The following MDFIC variants were observed in gnomAD, a reference collection of about 807,000 sequenced individuals.
The protein encoded by MDFIC is MyoD family inhibitor domain containing.
In MDFIC, 17 loss-of-function variants were observed where a neutral mutation model predicts 23.2. The observed-to-expected ratio is 0.73, with a 90% confidence interval of 0.50 to 1.10. The LOEUF (loss-of-function observed/expected upper bound fraction) is 1.10, where lower values mean the gene tolerates loss of function less well. Ranked by LOEUF, MDFIC falls within the 50% of genes least tolerant of loss-of-function variation. The pLI, the probability that MDFIC is intolerant of heterozygous loss-of-function variation, is 0.00. For missense variants in MDFIC, 356 were observed against 316.6 expected (o/e 1.12, Z -0.95); for synonymous variants, 120 against 115.2 (o/e 1.04, Z -0.27).
intron 4 of MDFIC, among the ~76,000 whole-genome samples, chr7:114,983,392 T>G (rs1793451327): frequency 6.6e-6 from 1 of 152,098 alleles, no homozygotes; most frequent in African/African-American, 2.4e-5. Context: ...TAAGGGCGTC[T>G]TTTCTAACCA....
rs1378204985 is a variant in MDFIC, at chr7:114,922,217, C to A, written c.-527C>A. The A allele has an allele frequency of 6.2e-6, 3 of 480,560 alleles. No individual in the cohort carries two copies. Among genetic ancestry groups the A allele is most frequent in the South Asian group, 1.1e-4 (1 of 8,762 alleles). 29.8% of individuals were successfully genotyped at this position (480,560 alleles called of 1,614,324 possible). A position where few individuals can be genotyped will look rare whatever the true frequency, so the allele number is the denominator to read the frequency against. On this transcript the variant is annotated 5_prime_UTR_variant, in exon 1 of 5. Coordinates refer to ENST00000393486, the MANE Select transcript of MDFIC (RefSeq NM_001166345.3). ...GGCGCGAGGGATCGCGCGGCCGAGC[C>A]CGGGTCGCGCCGCTCCCAGCATCGG...
intron 4 of MDFIC, among the ~76,000 whole-genome samples, chr7:115,007,630 G>GTGTATATATATATATA (rs369718965): frequency 3.0e-5 from 4 of 132,878 alleles, no homozygotes; most frequent in African/African-American, 1.2e-4. Context: ...GCGTGTGTGT[G>GTGTATATATATATATA]TATATATATA....
chr7:114,939,175 A>G (rs1230050262), intron 2 of MDFIC, among the ~76,000 whole-genome samples: 1 of 152,224 alleles, frequency 6.6e-6, no homozygotes, highest in Non-Finnish European at 1.5e-5. Flanking sequence ...AATAACATGC[A>G]TATATTAGAA....
At chr7:114,922,797 G>A in intron 1 of MDFIC, 130 bp from the exon 2 acceptor site, 3 of 1,332,802 alleles carry the variant, frequency 2.3e-6, no homozygotes, top group South Asian at 1.6e-5. Flanking sequence ...TTCTTCGCAA[G>A]TTTCAAATCA....
At chr7:114,937,798 C>G (rs546773454) in intron 2 of MDFIC, among the ~76,000 whole-genome samples, 1 of 152,140 alleles carries the variant, frequency 6.6e-6, no homozygotes, top group Non-Finnish European at 1.5e-5. Flanking sequence ...CTAGGATGCT[C>G]AGGAGCTAGT....
intron 4 of MDFIC, among the ~76,000 whole-genome samples, chr7:114,998,119 A>T (rs1021107187): frequency 1.3e-5 from 2 of 152,230 alleles, no homozygotes; most frequent in African/African-American, 4.8e-5. Context: ...ACTGCATAAT[A>T]CTACAATTCA....
At position 114,966,510 on chromosome 7, in the gene MDFIC, A is replaced by T. The variant is rs545516036; in HGVS notation, c.218-12996A>T. Among the ~76,000 whole-genome samples, 28 of 152,254 alleles carry T rather than the reference A, an allele frequency of 1.8e-4. No homozygotes were observed. In the East Asian group the frequency reaches 3.9e-3, roughly 21 times the overall value. On this transcript the variant is annotated intron_variant, in intron 3 of 4. Coordinates refer to ENST00000393486, the MANE Select transcript of MDFIC (RefSeq NM_001166345.3). ...AAAATCACCAAGATAACATTTTTGA[A>T]GCACCAACCTGCACTTCGGGCTGAT... is the stretch of plus-strand genomic sequence containing the variant.
chr7:115,001,674 G>A (rs899648082), intron 4 of MDFIC, among the ~76,000 whole-genome samples: 4 of 152,056 alleles, frequency 2.6e-5, no homozygotes, highest in Admixed American at 6.6e-5. Context: ...CAGTGTGCTG[G>A]AGTTTGTAGA....
At chr7:115,007,552 C>G (rs1001057014) in intron 4 of MDFIC, among the ~76,000 whole-genome samples, 3 of 149,536 alleles carry the variant, frequency 2.0e-5, no homozygotes, top group Admixed American at 6.7e-5. Flanking sequence ...TTTTACCCCT[C>G]TTCAGATTTC....
chr7:114,958,221 C>G (rs1585102658), intron 3 of MDFIC, among the ~76,000 whole-genome samples: 1 of 152,180 alleles, frequency 6.6e-6, no homozygotes, highest in African/African-American at 2.4e-5. Context: ...ATTCTAATCA[C>G]TCTCACATTG....
chr7:115,019,086 A>C lies in MDFIC; in HGVS notation c.*3151A>C, dbSNP rs896219348. On this transcript the variant is annotated 3_prime_UTR_variant, in exon 5 of 5. Transcript: ENST00000393486. ...AGCTATATTTCCACTTAGAAAAACT[A>C]AGGTAATTTTACAATATATGCTGAG... 1.3e-5 allele frequency: 2 copies of C among 151,956 alleles called. No homozygotes were observed. Among genetic ancestry groups the C allele is most frequent in the Non-Finnish European group, 2.9e-5 (2 of 67,876 alleles). 9.4% of individuals were successfully genotyped at this position (151,956 alleles called of 1,614,324 possible). A position where few individuals can be genotyped will look rare whatever the true frequency, so the allele number is the denominator to read the frequency against.
At chr7:115,000,556 G>A (rs142768751) in intron 4 of MDFIC, among the ~76,000 whole-genome samples, 96 of 152,246 alleles carry the variant, frequency 6.3e-4, no homozygotes, top group Admixed American at 4.1e-3. Flanking sequence ...TAACATACAT[G>A]TTTTATAAAT....
Position 114,968,936 on chromosome 7 carries a change from G to A in MDFIC, c.218-10570G>A, listed in dbSNP as rs374787802. ...CTACGTAATTCCATATCTCATAACT[G>A]GAACTTCATTTGCATTCCCACTGCC... On this transcript the variant is annotated intron_variant, in intron 3 of 4. Coordinates refer to ENST00000393486, the MANE Select transcript of MDFIC (RefSeq NM_001166345.3). Among the ~76,000 whole-genome samples, 33 of 152,188 alleles carry A rather than the reference G, an allele frequency of 2.2e-4. No homozygotes were observed. The East Asian group carries it at 4.4e-3, about 20-fold the overall frequency.
At chr7:114,983,080 A>G (rs925000703) in intron 4 of MDFIC, among the ~76,000 whole-genome samples, 2 of 152,224 alleles carry the variant, frequency 1.3e-5, no homozygotes, top group Admixed American at 1.3e-4. Context: ...TTCAAACCAT[A>G]GTACAAGGCT....
intron 4 of MDFIC, among the ~76,000 whole-genome samples, chr7:114,982,160 G>A (rs1793428704): frequency 6.6e-6 from 1 of 152,130 alleles, no homozygotes; most frequent in South Asian, 2.1e-4. Context: ...ATCTCTTGTT[G>A]AGGAAACACC....
rs1252261883 is a variant in MDFIC, at chr7:114,922,499, G to T, written c.-245G>T. On this transcript the variant is annotated 5_prime_UTR_variant, in exon 1 of 5. Transcript: ENST00000393486. ...CTGAGCCGGAGGGAGGCGGGAGGAC[G>T]CGCAGGGGCGGCCGCCGCCGTCGTC... 4 of 1,255,732 alleles carry T rather than the reference G, an allele frequency of 3.2e-6. No individual in the cohort carries two copies. The highest frequency in any genetic ancestry group is 1.5e-5 in the African/African-American group (1 of 64,846). The allele number at this position is 1,255,732 out of a possible 1,614,324, so 77.8% of individuals were successfully genotyped here. A position where few individuals can be genotyped will look rare whatever the true frequency, so the allele number is the denominator to read the frequency against.
intron 2 of MDFIC, chr7:114,923,467 A>C: frequency 6.5e-7 from 1 of 1,537,884 alleles, no homozygotes; most frequent in Non-Finnish European, 8.7e-7. Flanking sequence ...AGGTCTCTTC[A>C]GCAGATCCAG....
chr7:115,013,984 G>C (rs988472606), intron 4 of MDFIC: 11 of 985,190 alleles, frequency 1.1e-5, no homozygotes, highest in Non-Finnish European at 1.2e-5. Flanking sequence ...TCCAGTCGCT[G>C]CATGGACCAT....
intron 3 of MDFIC, among the ~76,000 whole-genome samples, chr7:114,964,684 G>T (rs918819063): frequency 3.3e-5 from 5 of 152,094 alleles, no homozygotes; most frequent in Non-Finnish European, 5.9e-5. Context: ...CTGAGTAGTT[G>T]GGATTACAGG....
Sources: gnomAD v4.1 joint callset for allele counts (sites outside exome capture counted in the v4.1 genomes callset) on GRCh38, gnomAD v4.1.1 for gene constraint, MANE v1.5 for transcripts, NCBI Gene and HGNC (gene_info 2026-07-23, HGNC 2026-07-21) for gene names.